PRR5L: variants seen among roughly 807,000 people sequenced by gnomAD.
PRR5L encodes the protein proline rich 5 like.
Under a neutral mutation model 36.4 loss-of-function variants are expected in PRR5L, and 21 were observed. That is an observed-to-expected ratio of 0.58 (90% CI 0.41 to 0.83). The LOEUF (loss-of-function observed/expected upper bound fraction) is 0.83. PRR5L is among the 40% of genes least tolerant of loss of function. The pLI, the probability that PRR5L is intolerant of heterozygous loss-of-function variation, is 0.00. For missense variants in PRR5L, 381 were observed against 473.3 expected (o/e 0.80, Z 1.81); for synonymous variants, 188 against 197.0 (o/e 0.95, Z 0.38).
chr11:36,357,202 T>C (rs1261308761), intron 1 of PRR5L, among the ~76,000 whole-genome samples: 3 of 152,178 alleles, frequency 2.0e-5, no homozygotes, highest in Admixed American at 1.3e-4. Flanking sequence ...TTTAATCCTA[T>C]GAAGCCTGAG....
chr11:36,329,414 A>C (rs918404536), intron 1 of PRR5L: 5 of 152,238 alleles, frequency 3.3e-5, no homozygotes, highest in African/African-American at 1.2e-4. Context: ...AAAAATGTGT[A>C]AAAGAGCAGG....
intron 1 of PRR5L, among the ~76,000 whole-genome samples, chr11:36,347,776 A>C (rs1462454247): frequency 6.6e-6 from 1 of 151,902 alleles, no homozygotes; most frequent in Non-Finnish European, 1.5e-5. Context: ...ATCCTTACAT[A>C]GCCTCCTTCT....
At chr11:36,351,611 T>TTATATATTTATATAAA in intron 1 of PRR5L, among the ~76,000 whole-genome samples, 1 of 17,304 alleles carries the variant, frequency 5.8e-5, no homozygotes, top group Admixed American at 1.1e-3. Context: ...AAATATATAT[T>TTATATATTTATATAAA]TATATATTTA....
At chr11:36,304,625 T>C (rs528287455) in intron 1 of PRR5L, among the ~76,000 whole-genome samples, 14 of 152,372 alleles carry the variant, frequency 9.2e-5, no homozygotes, top group Middle Eastern at 3.4e-3. Context: ...CATACAGTTA[T>C]AATTTTTGTT....
At chr11:36,394,285 C>A (rs1339279384) in intron 1 of PRR5L, 2 of 152,290 alleles carry the variant, frequency 1.3e-5, no homozygotes, top group African/African-American at 4.8e-5. Flanking sequence ...GCCTCCACTG[C>A]ACCTGTGTCT....
chr11:36,390,928 C>T (rs1183767274), intron 1 of PRR5L, among the ~76,000 whole-genome samples: 4 of 152,096 alleles, frequency 2.6e-5, no homozygotes, highest in Admixed American at 6.5e-5. Context: ...TGAGTTTGAC[C>T]GATCATTATC....
intron 1 of PRR5L, among the ~76,000 whole-genome samples, chr11:36,360,291 G>T (rs1857073477): frequency 6.6e-6 from 1 of 152,102 alleles, no homozygotes; most frequent in African/African-American, 2.4e-5. Context: ...GATCAAATGG[G>T]ATATCTATGT....
In PRR5L at chr11:36,464,760, C is replaced by T. The variant is rs755978581; in HGVS notation, c.*2024C>T. On this transcript the variant is annotated 3_prime_UTR_variant, in exon 9 of 9. Coordinates refer to ENST00000530639, the MANE Select transcript of PRR5L (RefSeq NM_001160167.2). ...AAGGTTAAGCATATGTGCATGCGTG[C>T]GTGTGTATATAAATGCCTTTTCCAT... The T allele has an allele frequency of 3.3e-5, 5 of 152,218 alleles. No individual in the cohort carries two copies. The highest frequency in any genetic ancestry group is 4.8e-5 in the African/African-American group (2 of 41,540). The allele number at this position is 152,218 out of a possible 1,614,324, so 9.4% of individuals were successfully genotyped here.
chr11:36,385,942 C>T (rs1857449613), intron 1 of PRR5L, among the ~76,000 whole-genome samples: 1 of 152,216 alleles, frequency 6.6e-6, no homozygotes, highest in South Asian at 2.1e-4. Context: ...ATTCTGATCT[C>T]TCAGAAATGG....
chr11:36,428,843 T>G (rs1247852744), intron 4 of PRR5L, among the ~76,000 whole-genome samples: 1 of 152,048 alleles, frequency 6.6e-6, no homozygotes, highest in Non-Finnish European at 1.5e-5. Flanking sequence ...AAAATGTGTG[T>G]GACCAATTGA....
At chr11:36,361,192 C>G (rs1388274480) in intron 1 of PRR5L, among the ~76,000 whole-genome samples, 1 of 152,100 alleles carries the variant, frequency 6.6e-6, no homozygotes, top group East Asian at 1.9e-4. Context: ...CACAAGTATA[C>G]AGTGGAGTTT....
Position 36,401,073 on chromosome 11 carries a change from T to C in PRR5L, c.-49T>C. ...CCTGGAGAAGCCCTTTCCGAGGGCA[T>C]TCGGAACCTTCTGGTCCTAGAGGTG... On this transcript the variant is annotated 5_prime_UTR_variant, in exon 2 of 9. Coordinates refer to ENST00000530639, the MANE Select transcript of PRR5L (RefSeq NM_001160167.2). 6.3e-7 allele frequency: 1 copy of C among 1,595,642 alleles called. No homozygotes were observed. Among genetic ancestry groups the C allele is most frequent in the Admixed American group, 1.7e-5 (1 of 58,362 alleles).
At chr11:36,392,234 T>A (rs1273228792) in intron 1 of PRR5L, among the ~76,000 whole-genome samples, 2 of 152,230 alleles carry the variant, frequency 1.3e-5, no homozygotes, top group East Asian at 3.9e-4. Flanking sequence ...ACACTTAGAT[T>A]GCATACAGAT....
chr11:36,320,570 C>T (rs1461765674), intron 1 of PRR5L, among the ~76,000 whole-genome samples: 2 of 152,310 alleles, frequency 1.3e-5, no homozygotes, highest in East Asian at 3.9e-4. Context: ...TGGGACCTCC[C>T]TCATGTTACA....
At chr11:36,411,475 T>A (rs1013141724) in intron 3 of PRR5L, among the ~76,000 whole-genome samples, 14 of 152,176 alleles carry the variant, frequency 9.2e-5, no homozygotes, top group Admixed American at 7.2e-4. Flanking sequence ...TTCCCCCTGT[T>A]ATGGCTCCTT....
intron 8 of PRR5L, among the ~76,000 whole-genome samples, chr11:36,452,979 A>C (rs906455611): frequency 6.6e-6 from 1 of 152,240 alleles, no homozygotes; most frequent in Non-Finnish European, 1.5e-5. Context: ...TTCAACAACA[A>C]AAAATAAATT....
At chr11:36,319,960 T>C (rs1590437789) in intron 1 of PRR5L, among the ~76,000 whole-genome samples, 1 of 152,184 alleles carries the variant, frequency 6.6e-6, no homozygotes, top group Admixed American at 6.5e-5. Flanking sequence ...AGGTTGTTTC[T>C]GTAGGGAAAA....
chr11:36,299,192 G>A lies in PRR5L; in HGVS notation c.-126+2754G>A, dbSNP rs537683765. 1.6e-3 allele frequency among the ~76,000 whole-genome samples: 101 copies of A among 63,338 alleles called. 1 individual carries two copies. The highest frequency in any genetic ancestry group is 3.2e-3 in the Non-Finnish European group (74 of 23,370). 41.6% of individuals were successfully genotyped at this position (63,338 alleles called of 152,430 possible). ...CATCTCTGGCTTATGGAAAATGCTC[G>A]TTTCATTATCCCAGGAAATCCAAAG... On this transcript the variant is annotated intron_variant, in intron 1 of 8. Transcript: ENST00000530639.
chr11:36,323,674 G>C (rs1453087148), intron 1 of PRR5L, among the ~76,000 whole-genome samples: 1 of 152,188 alleles, frequency 6.6e-6, no homozygotes, highest in Non-Finnish European at 1.5e-5. Flanking sequence ...ATTTAAAAGT[G>C]TCCTGGTTAA....
Sources: gnomAD v4.1 joint callset for allele counts (sites outside exome capture counted in the v4.1 genomes callset) on GRCh38, gnomAD v4.1.1 for gene constraint, MANE v1.5 for transcripts, NCBI Gene and HGNC (gene_info 2026-07-23, HGNC 2026-07-21) for gene names.